YWHAH: variants seen among roughly 807,000 people sequenced by gnomAD.
YWHAH encodes tyrosine 3-monooxygenase/tryptophan 5-monooxygenase activation protein eta.
Under a neutral mutation model 22.9 loss-of-function variants are expected in YWHAH, and 6 were observed. That is an observed-to-expected ratio of 0.26 (90% CI 0.14 to 0.52). YWHAH has a LOEUF of 0.52. Ranked by LOEUF, YWHAH falls within the 20% of genes least tolerant of loss-of-function variation. YWHAH has a pLI of 0.97. For missense variants in YWHAH, 173 were observed against 308.6 expected (o/e 0.56, Z 3.29); for synonymous variants, 135 against 124.5 (o/e 1.08, Z -0.56).
chr22:31,951,006 C>T (rs2093842545), intron 1 of YWHAH, among the ~76,000 whole-genome samples: 1 of 152,212 alleles, frequency 6.6e-6, no homozygotes, highest in African/African-American at 2.4e-5. Context: ...GAGCGATTGT[C>T]ATGTCCCACC....
intron 1 of YWHAH, among the ~76,000 whole-genome samples, chr22:31,948,070 T>C (rs1009563216): frequency 6.7e-6 from 1 of 150,004 alleles, no homozygotes; most frequent in Non-Finnish European, 1.5e-5. Context: ...TATAGAAATC[T>C]TTTTTTTTTA....
At position 31,957,415 on chromosome 22, in the gene YWHAH, T is replaced by C. The variant is rs1293313158; in HGVS notation, c.*623T>C. The C allele has an allele frequency of 6.6e-6, 1 of 152,554 alleles. No individual in the cohort carries two copies. The highest frequency in any genetic ancestry group is 1.5e-5 in the Non-Finnish European group (1 of 68,048). The allele number at this position is 152,554 out of a possible 1,614,324, so 9.5% of individuals were successfully genotyped here. On this transcript the variant is annotated 3_prime_UTR_variant, in exon 2 of 2. Transcript: ENST00000248975. Reference sequence around the variant, plus strand: ...TTTGATACTTGTAACTTTTTTTTTTTTTTGGTTGCAATTGTTTAAGAATCA... The same window carrying C: ...TTTGATACTTGTAACTTTTTTTTTTCTTTGGTTGCAATTGTTTAAGAATCA...
At chr22:31,955,929 G>A (rs1039065629) in intron 1 of YWHAH, among the ~76,000 whole-genome samples, 2 of 152,138 alleles carry the variant, frequency 1.3e-5, no homozygotes, top group Non-Finnish European at 2.9e-5. Context: ...TGGGTGCCAA[G>A]TATTTATCTC....
At chr22:31,951,058 A>C (rs2093842597) in intron 1 of YWHAH, among the ~76,000 whole-genome samples, 1 of 152,010 alleles carries the variant, frequency 6.6e-6, no homozygotes, top group Admixed American at 6.6e-5. Flanking sequence ...ATGCCCAGCT[A>C]ATTTTTGTAT....
intron 1 of YWHAH, chr22:31,947,427 G>C (rs796299030): frequency 5.1e-5 from 24 of 471,028 alleles, no homozygotes; most frequent in African/African-American, 4.0e-4. Context: ...TGATAATACT[G>C]CCTTCCTGTA....
chr22:31,952,334 G>T (rs1182571966), intron 1 of YWHAH, among the ~76,000 whole-genome samples: 1 of 152,182 alleles, frequency 6.6e-6, no homozygotes, highest in Non-Finnish European at 1.5e-5. Context: ...TTTGGTATTT[G>T]AAGTGTTGGG....
intron 1 of YWHAH, among the ~76,000 whole-genome samples, chr22:31,951,308 G>A (rs1008620365): frequency 2.6e-5 from 4 of 152,150 alleles, no homozygotes; most frequent in Non-Finnish European, 5.9e-5. Context: ...ACTTAATCAT[G>A]AGAATCATTT....
chr22:31,952,907 A>G (rs2093845125), intron 1 of YWHAH, among the ~76,000 whole-genome samples: 1 of 152,200 alleles, frequency 6.6e-6, no homozygotes, highest in Admixed American at 6.5e-5. Context: ...CTTGGAGATC[A>G]TTTGGGCTAA....
intron 1 of YWHAH, among the ~76,000 whole-genome samples, chr22:31,953,511 CA>C (rs1211907356): frequency 9.2e-5 from 14 of 151,548 alleles, no homozygotes; most frequent in Admixed American, 8.5e-4. Flanking sequence ...CTGATGTGGG[CA>C]AAAAAAGACT....
intron 1 of YWHAH, among the ~76,000 whole-genome samples, chr22:31,946,455 T>C (rs1339543005): frequency 6.6e-6 from 1 of 152,116 alleles, no homozygotes; most frequent in Non-Finnish European, 1.5e-5. Flanking sequence ...AACTGAGTGG[T>C]GCTGGGATTA....
chr22:31,950,292 A>G lies in YWHAH; in HGVS notation c.87+5472A>G, dbSNP rs569035171. The G allele has an allele frequency of 1.1e-4, 83 of 779,014 alleles. No individual in the cohort carries two copies. In the East Asian group the frequency reaches 1.6e-3, roughly 15 times the overall value. The allele number at this position is 779,014 out of a possible 1,614,324, so 48.3% of individuals were successfully genotyped here. On this transcript the variant is annotated intron_variant, in intron 1 of 1. Transcript: ENST00000248975. ...TTAGTATATTTTTATGCAGGCCCCA[A>G]AATTTCTGTCTCTAGGTTGCTGGTA...
intron 1 of YWHAH, among the ~76,000 whole-genome samples, chr22:31,948,556 G>A (rs1056403035): frequency 1.3e-5 from 2 of 151,982 alleles, no homozygotes; most frequent in South Asian, 4.2e-4. Flanking sequence ...TTATTAAATT[G>A]TATAGACAGG....
intron 1 of YWHAH, among the ~76,000 whole-genome samples, chr22:31,950,967 G>T (rs568700775): frequency 6.6e-6 from 1 of 152,122 alleles, no homozygotes; most frequent in Non-Finnish European, 1.5e-5. Context: ...CACAGTCCTG[G>T]CTCACTGCAA....
Position 31,956,041 on chromosome 22 carries a change from C to T in YWHAH, c.88-98C>T. ...CAGAGTGACTGACCTGTTCGTAATT[C>T]CGTTCTTGAGAAGGATTGTTGATTA... On this transcript the variant is annotated intron_variant, in intron 1 of 1. Transcript: ENST00000248975. The surrounding 1 kb of genome is among the most constrained non-coding windows in gnomAD (Gnocchi z 5.1). The T allele has an allele frequency of 5.0e-6, 7 of 1,413,144 alleles. No individual in the cohort carries two copies. The highest frequency in any genetic ancestry group is 6.7e-6 in the Non-Finnish European group (7 of 1,043,490). The allele number at this position is 1,413,144 out of a possible 1,614,324, so 87.5% of individuals were successfully genotyped here. A position where few individuals can be genotyped will look rare whatever the true frequency, so the allele number is the denominator to read the frequency against.
intron 1 of YWHAH, chr22:31,945,065 AG>A: frequency 1.3e-5 from 14 of 1,102,490 alleles, no homozygotes; most frequent in Non-Finnish European, 1.5e-5. Context: ...CAGCCCCGGA[AG>A]GGGGGCGGGC....
chr22:31,945,018 G>A, intron 1 of YWHAH, 198 bp downstream of exon 1: 1 of 1,115,228 alleles, frequency 9.0e-7, no homozygotes, highest in Non-Finnish European at 1.1e-6. Flanking sequence ...GGCCCAGGGT[G>A]GGGGATCCGG....
At chr22:31,945,510 T>G (rs1457395809) in intron 1 of YWHAH, 1 of 1,304,180 alleles carries the variant, frequency 7.7e-7, no homozygotes, top group African/African-American at 1.5e-5. Flanking sequence ...GTGAGACGAA[T>G]CTGTGTGTCT....
At chr22:31,945,363 G>C in intron 1 of YWHAH, 1 of 1,270,734 alleles carries the variant, frequency 7.9e-7, no homozygotes, top group Non-Finnish European at 1.0e-6. Flanking sequence ...CTGGCTTTGT[G>C]TGCGAAGACC....
chr22:31,954,983 A>C (rs140975388), intron 1 of YWHAH, among the ~76,000 whole-genome samples: 1 of 152,340 alleles, frequency 6.6e-6, no homozygotes, highest in Non-Finnish European at 1.5e-5. Context: ...CTGCATAGCT[A>C]GTTCACTTGT....
Sources: allele counts gnomAD v4.1 joint callset (sites outside exome capture counted in the v4.1 genomes callset), GRCh38; gene constraint gnomAD v4.1.1; non-coding constraint Gnocchi (gnomAD v3.1); transcripts MANE v1.5; gene names NCBI Gene and HGNC (gene_info 2026-07-23, HGNC 2026-07-21).